SGCZ: variants seen among roughly 807,000 people sequenced by gnomAD.
SGCZ encodes sarcoglycan zeta.
Under a neutral mutation model 41.3 loss-of-function variants are expected in SGCZ, and 40 were observed. The ratio of observed to expected loss-of-function variants is 0.97; its 90% CI spans 0.75 to 1.26. The LOEUF (loss-of-function observed/expected upper bound fraction) is 1.26, where lower values mean the gene tolerates loss of function less well. SGCZ is among the 50% of genes most tolerant of loss of function. The probability of loss-of-function intolerance (pLI) is 0.00; values close to 1 mark genes in which losing one functional copy is unlikely to be tolerated. For synonymous variants in SGCZ, 206 were observed against 137.5 expected (o/e 1.50, Z -3.49); for missense variants, 552 against 369.8 (o/e 1.49, Z -4.04).
chr8:15,023,672 C>T (rs916044997), intron 1 of SGCZ, among the ~76,000 whole-genome samples: 2 of 151,946 alleles, frequency 1.3e-5, no homozygotes, highest in African/African-American at 2.4e-5. Context: ...TGCAAGAGAC[C>T]GGAAATTATC....
At chr8:15,123,756 T>G in intron 1 of SGCZ, among the ~76,000 whole-genome samples, 1 of 152,166 alleles carries the variant, frequency 6.6e-6, no homozygotes, top group East Asian at 1.9e-4. Context: ...AAATCAGGAA[T>G]AAATAGGAAA....
intron 5 of SGCZ, among the ~76,000 whole-genome samples, chr8:14,109,230 C>T (rs1802301896): frequency 6.6e-6 from 1 of 152,156 alleles, no homozygotes; most frequent in Admixed American, 6.5e-5. Context: ...TACTCTAACA[C>T]TTTTCTCAGG....
chr8:14,418,368 T>A (rs893000669), intron 2 of SGCZ, among the ~76,000 whole-genome samples: 4 of 151,904 alleles, frequency 2.6e-5, no homozygotes, highest in African/African-American at 9.7e-5. Flanking sequence ...AATTCACTTA[T>A]TCAAGAAAGG....
At chr8:14,977,319 A>G (rs1317295100) in intron 1 of SGCZ, among the ~76,000 whole-genome samples, 4 of 152,206 alleles carry the variant, frequency 2.6e-5, no homozygotes, top group Non-Finnish European at 5.9e-5. Flanking sequence ...TTGGTCAAAC[A>G]AAGGCACTAA....
At chr8:14,731,743 G>C (rs1408252769) in intron 1 of SGCZ, among the ~76,000 whole-genome samples, 1 of 151,688 alleles carries the variant, frequency 6.6e-6, no homozygotes, top group African/African-American at 2.4e-5. Context: ...TTCATTTCTG[G>C]GTCAATCTGT....
chr8:14,732,243 C>G (rs1378805773), intron 1 of SGCZ, among the ~76,000 whole-genome samples: 2 of 152,076 alleles, frequency 1.3e-5, no homozygotes, highest in African/African-American at 2.4e-5. Context: ...AAAACACATC[C>G]CTGCCTGCAG....
At chr8:14,900,822 T>C (rs973834785) in intron 1 of SGCZ, among the ~76,000 whole-genome samples, 1 of 152,194 alleles carries the variant, frequency 6.6e-6, no homozygotes, top group African/African-American at 2.4e-5. Flanking sequence ...ATTCAGAATC[T>C]TTCCTTAAAA....
intron 1 of SGCZ, among the ~76,000 whole-genome samples, chr8:15,235,146 A>C (rs933853658): frequency 1.3e-5 from 2 of 152,180 alleles, no homozygotes; most frequent in Admixed American, 1.3e-4. Context: ...CCAGAGACTA[A>C]CTTGAACTGG....
intron 4 of SGCZ, among the ~76,000 whole-genome samples, chr8:14,236,378 A>C (rs915051088): frequency 6.6e-6 from 1 of 152,180 alleles, no homozygotes; most frequent in African/African-American, 2.4e-5. Context: ...AATTTTTACA[A>C]ATAAAACTAT....
intron 1 of SGCZ, among the ~76,000 whole-genome samples, chr8:15,041,755 T>C (rs1804104323): frequency 6.6e-6 from 1 of 152,020 alleles, no homozygotes; most frequent in African/African-American, 2.4e-5. Flanking sequence ...AAAGACTTTT[T>C]AATTCTTATA....
At chr8:14,346,972 T>G (rs527808023) in intron 2 of SGCZ, among the ~76,000 whole-genome samples, 1 of 152,226 alleles carries the variant, frequency 6.6e-6, no homozygotes, top group Admixed American at 6.6e-5. Context: ...CCATTACATT[T>G]ATTTCCTTAA....
intron 3 of SGCZ, among the ~76,000 whole-genome samples, chr8:14,319,170 T>C (rs953615655): frequency 1.3e-5 from 2 of 151,958 alleles, no homozygotes; most frequent in Non-Finnish European, 2.9e-5. Flanking sequence ...ACTGAAAAGC[T>C]ATTAAGTGGC....
intron 7 of SGCZ, among the ~76,000 whole-genome samples, chr8:14,096,434 C>G (rs1585129430): frequency 1.3e-5 from 2 of 152,284 alleles, no homozygotes; most frequent in East Asian, 3.9e-4. Context: ...TTGAACCAGC[C>G]TTGCATCCCA....
At chr8:14,409,394 G>A (rs958413895) in intron 2 of SGCZ, among the ~76,000 whole-genome samples, 10 of 151,776 alleles carry the variant, frequency 6.6e-5, no homozygotes, top group African/African-American at 9.7e-5. Context: ...AATATTGATC[G>A]TATCATTAAG....
chr8:15,227,806 G>A (rs1278135610), intron 1 of SGCZ, among the ~76,000 whole-genome samples: 1 of 152,100 alleles, frequency 6.6e-6, no homozygotes, highest in African/African-American at 2.4e-5. Context: ...CAAATAAGAT[G>A]GATGGTGCAT....
At chr8:14,137,505 C>T (rs531660024) in intron 5 of SGCZ, among the ~76,000 whole-genome samples, 184 of 152,122 alleles carry the variant, frequency 1.2e-3, no homozygotes, top group African/African-American at 4.3e-3. Flanking sequence ...GGAGCTGAAA[C>T]AATGGCATGA....
At chr8:14,819,862 G>C (rs1199819573) in intron 1 of SGCZ, among the ~76,000 whole-genome samples, 1 of 151,830 alleles carries the variant, frequency 6.6e-6, no homozygotes, top group African/African-American at 2.4e-5. Context: ...AATTAAAGCA[G>C]ATACACAAAT....
chr8:15,237,913 G>T lies in SGCZ; in HGVS notation c.-290C>A. On this transcript the variant is annotated 5_prime_UTR_variant, in exon 1 of 8. Transcript: ENST00000382080. Reference sequence around the variant, plus strand: ...TGAAACAGGGGCCAAAAGAAAAAAGGAAAAAAAAATCCACTCTATTTAAGA... The same window carrying T: ...TGAAACAGGGGCCAAAAGAAAAAAGTAAAAAAAAATCCACTCTATTTAAGA... The T allele has an allele frequency of 5.8e-4, 138 of 236,226 alleles. No homozygotes were observed. The highest frequency in any genetic ancestry group is 1.5e-3 in the Middle Eastern group (1 of 664). 14.6% of individuals were successfully genotyped at this position (236,226 alleles called of 1,614,324 possible).
At chr8:14,410,677 G>C (rs1799335785) in intron 2 of SGCZ, among the ~76,000 whole-genome samples, 1 of 152,084 alleles carries the variant, frequency 6.6e-6, no homozygotes, top group South Asian at 2.1e-4. Context: ...TTAAAACCTA[G>C]ATGATGGGTT....
Sources: allele counts gnomAD v4.1 joint callset (sites outside exome capture counted in the v4.1 genomes callset), GRCh38; gene constraint gnomAD v4.1.1; transcripts MANE v1.5; gene names NCBI Gene and HGNC (gene_info 2026-07-23, HGNC 2026-07-21).